The following FOCAD variants were observed in gnomAD, a reference collection of about 807,000 sequenced individuals.
The protein encoded by FOCAD is KIAA1797.
A neutral mutation model predicts 225.6 loss-of-function variants in FOCAD; 198 were observed. The observed-to-expected ratio is 0.88, with a 90% CI of 0.78 to 0.99. FOCAD has a LOEUF of 0.99. Among genes scored for constraint, FOCAD ranks in the 50% least tolerant of loss-of-function variants. The pLI is 0.00. For synonymous variants in FOCAD, 897 were observed against 755.0 expected (o/e 1.19, Z -3.08); for missense variants, 2,713 against 2,123.6 (o/e 1.28, Z -5.46).
In FOCAD at chr9:20,836,516, T is replaced by A. The variant is rs561786390; in HGVS notation, c.1920+13401T>A. On this transcript the variant is annotated intron_variant, in intron 15 of 43. Coordinates refer to ENST00000338382, the MANE Select transcript of FOCAD (RefSeq NM_001375567.1). ...CTATGTTATTTGTAGTTGGGGCATG[T>A]TTTTTTGATGCCTTCAGTTCTTCCT... 7.0e-4 allele frequency among the ~76,000 whole-genome samples: 107 copies of A among 152,208 alleles called. 1 individual carries two copies. Among genetic ancestry groups the A allele is most frequent in the African/African-American group, 2.5e-3 (104 of 41,580 alleles).
At chr9:20,824,275 C>G (rs1053465155) in intron 15 of FOCAD, among the ~76,000 whole-genome samples, 1 of 152,044 alleles carries the variant, frequency 6.6e-6, no homozygotes, top group East Asian at 1.9e-4. Context: ...ATCCTGAAAT[C>G]TATTTTTAAA....
At chr9:20,721,547 C>A (rs1012401617) in intron 4 of FOCAD, among the ~76,000 whole-genome samples, 1 of 151,958 alleles carries the variant, frequency 6.6e-6, no homozygotes, top group Non-Finnish European at 1.5e-5. Context: ...ACTAAAAATA[C>A]AAAAATTAGC....
intron 6 of FOCAD, among the ~76,000 whole-genome samples, chr9:20,761,549 T>C (rs1306301132): frequency 3.9e-5 from 6 of 152,128 alleles, no homozygotes; most frequent in African/African-American, 1.4e-4. Context: ...GCCTCCTGGG[T>C]AGCTGGGACT....
intron 4 of FOCAD, among the ~76,000 whole-genome samples, chr9:20,723,984 G>A (rs1195029274): frequency 6.6e-6 from 1 of 152,100 alleles, no homozygotes; most frequent in Non-Finnish European, 1.5e-5. Flanking sequence ...GCAAGAGAGA[G>A]AGGGGGAGGT....
At position 20,825,146 on chromosome 9, in the gene FOCAD, CGTGTGTGTGT is replaced by C. The variant is rs10562859; in HGVS notation, c.1920+2060_1920+2069del. 1.8e-3 allele frequency among the ~76,000 whole-genome samples: 248 copies of C among 139,078 alleles called. 1 individual carries two copies. Among genetic ancestry groups the C allele is most frequent in the African/African-American group, 6.0e-3 (224 of 37,428 alleles). 91.2% of individuals were successfully genotyped at this position (139,078 alleles called of 152,430 possible). On this transcript the variant is annotated intron_variant, in intron 15 of 43. Coordinates refer to ENST00000338382, the MANE Select transcript of FOCAD (RefSeq NM_001375567.1). Reference sequence around the variant, plus strand: ...TTTGTTTAAGGCTTTTCAAGCTTTGCGTGTGTGTGTGTGTGTGTGTGTGTGTGTGTGTGTG... The same window carrying C: ...TTTGTTTAAGGCTTTTCAAGCTTTGCGTGTGTGTGTGTGTGTGTGTGTGTG...
chr9:20,817,427 C>G (rs887231983), intron 11 of FOCAD, among the ~76,000 whole-genome samples: 3 of 152,128 alleles, frequency 2.0e-5, no homozygotes, highest in African/African-American at 4.8e-5. Context: ...AATCTACCTT[C>G]TATCTCTACA....
At chr9:20,926,520 A>C in intron 26 of FOCAD, 103 bp downstream of exon 26, 15 of 733,724 alleles carry the variant, frequency 2.0e-5, no homozygotes, top group Non-Finnish European at 3.3e-5. Context: ...GCGGTGGCTC[A>C]CGCCTGTAAT....
intron 5 of FOCAD, among the ~76,000 whole-genome samples, chr9:20,747,556 C>A (rs200006507): frequency 6.6e-6 from 1 of 152,036 alleles, no homozygotes; most frequent in African/African-American, 2.4e-5. Context: ...ATTTTCATCA[C>A]CCCAAAAAGA....
intron 11 of FOCAD, among the ~76,000 whole-genome samples, chr9:20,799,498 C>G (rs895689564): frequency 6.6e-6 from 1 of 152,152 alleles, no homozygotes; most frequent in African/African-American, 2.4e-5. Flanking sequence ...CTTTCTAGGT[C>G]TCTAAGGTCC....
rs79522359 is a variant in FOCAD, at chr9:20,925,500, A to G, written c.2962-801A>G. ...TGACCTTGCCTTTGGCTGTTACTCAATGCAAATTCAAGACCTCATTATTTG... is the reference window on the plus strand; with the variant it reads ...TGACCTTGCCTTTGGCTGTTACTCAGTGCAAATTCAAGACCTCATTATTTG... On this transcript the variant is annotated intron_variant, in intron 25 of 43. Transcript: ENST00000338382. 3.3e-5 allele frequency among the ~76,000 whole-genome samples: 5 copies of G among 152,342 alleles called. No homozygotes were observed. The South Asian group carries it at 1.0e-3, about 32-fold the overall frequency.
rs144299105 is a variant in FOCAD, at chr9:20,757,608, A to C, written c.393-482A>C. Among the ~76,000 whole-genome samples the C allele has an allele frequency of 2.0e-5, 3 of 152,276 alleles. No individual in the cohort carries two copies. The East Asian group carries it at 5.8e-4, about 29-fold the overall frequency. On this transcript the variant is annotated intron_variant, in intron 5 of 43. Transcript: ENST00000338382. ...ATGCTGGGGAAGCGCAGAACCATAC[A>C]ATGGGAATAATGAAGTACCTGGAAA...
At chr9:20,832,038 G>A (rs1396738443) in intron 15 of FOCAD, among the ~76,000 whole-genome samples, 1 of 152,060 alleles carries the variant, frequency 6.6e-6, no homozygotes, top group African/African-American at 2.4e-5. Context: ...TTTTTATAGT[G>A]TCTTTTTAGG....
chr9:20,851,208 T>A (rs1160940328), intron 15 of FOCAD, among the ~76,000 whole-genome samples: 1 of 151,304 alleles, frequency 6.6e-6, no homozygotes, highest in Non-Finnish European at 1.5e-5. Flanking sequence ...TGAAAGAGTT[T>A]TGGTTTTTTT....
intron 15 of FOCAD, among the ~76,000 whole-genome samples, chr9:20,856,144 C>T (rs909638286): frequency 2.6e-5 from 4 of 151,898 alleles, no homozygotes; most frequent in African/African-American, 7.2e-5. Context: ...TATGGCAGTT[C>T]TATTTTTAAT....
chr9:20,806,537 A>C (rs1235224474), intron 11 of FOCAD, among the ~76,000 whole-genome samples: 1 of 152,200 alleles, frequency 6.6e-6, no homozygotes, highest in Non-Finnish European at 1.5e-5. Flanking sequence ...GGGCATCCAT[A>C]GATCAAATAA....
intron 4 of FOCAD, among the ~76,000 whole-genome samples, chr9:20,730,174 T>C (rs147612199): frequency 3.9e-5 from 6 of 152,312 alleles, no homozygotes; most frequent in African/African-American, 1.4e-4. Context: ...CAGGAGGACA[T>C]AGTATCTGAT....
Position 20,671,983 on chromosome 9 carries a change from T to G in FOCAD, c.-78+13157T>G, listed in dbSNP as rs10964653. On this transcript the variant is annotated intron_variant, in intron 2 of 45. Transcript: ENST00000380249. ...CACAGAAATCAGCAACCGTTGTAGT[T>G]TTTTTTTTTTTTTCCTCCCTGGAGA... Among the ~76,000 whole-genome samples the G allele has an allele frequency of 7.7e-3, 1,148 of 149,482 alleles. 10 individuals are homozygous for G. Among genetic ancestry groups the G allele is most frequent in the Middle Eastern group, 0.045 (13 of 292 alleles).
At position 20,767,413 on chromosome 9, in the gene FOCAD, A is replaced by G. The variant is rs1355267613; in HGVS notation, c.699+2340A>G. Among the ~76,000 whole-genome samples the G allele has an allele frequency of 1.4e-5, 2 of 140,390 alleles. 1 individual carries two copies. The highest frequency in any genetic ancestry group is 5.2e-5 in the African/African-American group (2 of 38,714). 92.1% of individuals were successfully genotyped at this position (140,390 alleles called of 152,430 possible). ...AGGAATTGCCACACTGACTTCCACA[A>G]TGGTTGAACTAGTTTACAGTCCCAC... is the stretch of plus-strand genomic sequence containing the variant. On this transcript the variant is annotated intron_variant, in intron 7 of 43. Coordinates refer to ENST00000338382, the MANE Select transcript of FOCAD (RefSeq NM_001375567.1).
At chr9:20,775,409 G>A (rs1162872243) in intron 8 of FOCAD, among the ~76,000 whole-genome samples, 2 of 152,186 alleles carry the variant, frequency 1.3e-5, no homozygotes, top group East Asian at 3.8e-4. Flanking sequence ...ACTACTGGCT[G>A]ATGACTCAGT....
Sources: gnomAD v4.1 joint callset for allele counts (sites outside exome capture counted in the v4.1 genomes callset) on GRCh38, gnomAD v4.1.1 for gene constraint, MANE v1.5 for transcripts, NCBI Gene and HGNC (gene_info 2026-07-23, HGNC 2026-07-21) for gene names.